The following SLIT2 variants were observed in gnomAD, a reference collection of about 807,000 sequenced individuals.
The protein encoded by SLIT2 is slit homolog 2 protein.
In SLIT2, 41 loss-of-function variants were observed where a neutral mutation model predicts 185.7. The observed-to-expected ratio is 0.22, with a 90% CI of 0.17 to 0.29. The LOEUF (loss-of-function observed/expected upper bound fraction) is 0.29. SLIT2 is among the 10% of genes least tolerant of loss of function. The pLI, the probability that SLIT2 is intolerant of heterozygous loss-of-function variation, is 1.00. For missense variants in SLIT2, 1,571 were observed against 1,909.0 expected, an observed-to-expected ratio of 0.82 and a Z score of 3.30; for synonymous variants, 693 against 680.2, an observed-to-expected ratio of 1.02 and a Z score of -0.29.
intron 4 of SLIT2, among the ~76,000 whole-genome samples, chr4:20,390,707 C>A (rs1443408723): frequency 1.3e-5 from 2 of 150,460 alleles, no homozygotes; most frequent in Non-Finnish European, 3.0e-5. Context: ...AAGAAAATAT[C>A]AACACATTAT....
Position 20,414,920 on chromosome 4 carries a change from A to G in SLIT2, c.396-52832A>G, listed in dbSNP as rs182672967. 5.2e-3 allele frequency among the ~76,000 whole-genome samples: 785 copies of G among 152,236 alleles called. 12 individuals carry two copies. Among genetic ancestry groups the G allele is most frequent in the African/African-American group, 0.018 (756 of 41,528 alleles). Reference sequence around the variant, plus strand: ...ATGTATAGATTTATATTTTTCATCAAATTTTGGAAGTTTTCAGCCAGTATT... The same window carrying G: ...ATGTATAGATTTATATTTTTCATCAGATTTTGGAAGTTTTCAGCCAGTATT... On this transcript the variant is annotated intron_variant, in intron 4 of 36. Coordinates refer to ENST00000504154, the MANE Select transcript of SLIT2 (RefSeq NM_004787.4).
rs944314902 is a variant in SLIT2, at chr4:20,619,082, A to G, written c.*73A>G. On this transcript the variant is annotated 3_prime_UTR_variant, in exon 37 of 37. Coordinates refer to ENST00000504154, the MANE Select transcript of SLIT2 (RefSeq NM_004787.4). ...ACCGTGTGGGACTAATGAATGCTTC[A>G]TAGTGGAAATATTTGAAATATATTG... The G allele has an allele frequency of 4.1e-5, 57 of 1,398,156 alleles. No individual in the cohort carries two copies. The highest frequency in any genetic ancestry group is 4.7e-5 in the Non-Finnish European group (48 of 1,016,558). 86.6% of individuals were successfully genotyped at this position (1,398,156 alleles called of 1,614,324 possible).
At chr4:20,556,184 A>G (rs1724233284) in intron 26 of SLIT2, among the ~76,000 whole-genome samples, 1 of 151,946 alleles carries the variant, frequency 6.6e-6, no homozygotes, top group Admixed American at 6.6e-5. Flanking sequence ...CTTTATTGGG[A>G]CAGTGTCCTG....
chr4:20,389,944 C>G (rs1488815360), intron 4 of SLIT2, among the ~76,000 whole-genome samples: 1 of 152,078 alleles, frequency 6.6e-6, no homozygotes, highest in Non-Finnish European at 1.5e-5. Flanking sequence ...TAAATACTCT[C>G]CTTGCTTACA....
At chr4:20,505,078 C>T (rs1284549571) in intron 9 of SLIT2, among the ~76,000 whole-genome samples, 1 of 151,848 alleles carries the variant, frequency 6.6e-6, no homozygotes, top group African/African-American at 2.4e-5. Context: ...ATATATTGTG[C>T]TATATATTCT....
At chr4:20,531,839 G>T in intron 16 of SLIT2, 145 bp from the exon 17 acceptor site, 4 of 484,942 alleles carry the variant, frequency 8.2e-6, no homozygotes, top group Middle Eastern at 5.7e-4. Context: ...ATATCAGTAT[G>T]TTCCACAAAT....
chr4:20,347,449 G>T (rs1055239197), intron 4 of SLIT2, among the ~76,000 whole-genome samples: 4 of 152,172 alleles, frequency 2.6e-5, no homozygotes, highest in Admixed American at 2.6e-4. Flanking sequence ...GGTGGTGAGG[G>T]AGAAGACTAC....
At chr4:20,274,988 T>C (rs1714018840) in intron 4 of SLIT2, among the ~76,000 whole-genome samples, 1 of 151,932 alleles carries the variant, frequency 6.6e-6, no homozygotes, top group Non-Finnish European at 1.5e-5. Context: ...TCATTGAGAG[T>C]GATCAAATAT....
At chr4:20,395,294 G>A (rs1280324082) in intron 4 of SLIT2, among the ~76,000 whole-genome samples, 3 of 152,028 alleles carry the variant, frequency 2.0e-5, no homozygotes, top group Non-Finnish European at 4.4e-5. Context: ...TACACACAGA[G>A]ATTTGGAGTA....
rs112250834 is a variant in SLIT2, at chr4:20,484,965, C to T, written c.540-1235C>T. 4.2e-3 allele frequency among the ~76,000 whole-genome samples: 638 copies of T among 152,242 alleles called. 5 individuals carry two copies. Among genetic ancestry groups the T allele is most frequent in the African/African-American group, 0.015 (608 of 41,576 alleles). ...GTGGCCTGCTTCGCTCATTTCTGTT[C>T]TCTGCTCAGGCCCTGCAGTGAACTT... On this transcript the variant is annotated intron_variant, in intron 6 of 36. Transcript: ENST00000504154. The surrounding 1 kb of genome is among the most constrained non-coding windows in gnomAD (Gnocchi z 4.3).
chr4:20,342,363 A>G (rs1490412258), intron 4 of SLIT2, among the ~76,000 whole-genome samples: 2 of 152,164 alleles, frequency 1.3e-5, no homozygotes, highest in Admixed American at 6.5e-5. Context: ...AAATGGAAAA[A>G]TGAATTATAG....
At chr4:20,442,396 C>T (rs950307048) in intron 4 of SLIT2, among the ~76,000 whole-genome samples, 10 of 151,828 alleles carry the variant, frequency 6.6e-5, no homozygotes, top group African/African-American at 9.7e-5. Context: ...TGGTGGCGGG[C>T]GCCTGTAGTC....
intron 4 of SLIT2, among the ~76,000 whole-genome samples, chr4:20,323,745 A>G (rs1719300755): frequency 6.6e-6 from 1 of 152,216 alleles, no homozygotes; most frequent in Non-Finnish European, 1.5e-5. Flanking sequence ...TGGCTGGCAT[A>G]GGAAAAAACA....
At chr4:20,325,421 T>G (rs940998230) in intron 4 of SLIT2, among the ~76,000 whole-genome samples, 7 of 23,626 alleles carry the variant, frequency 3.0e-4, no homozygotes, top group South Asian at 3.5e-3. Context: ...AGGGTGGGGG[T>G]GGGGGGTGGG....
chr4:20,400,727 G>A (rs1726279899), intron 4 of SLIT2, among the ~76,000 whole-genome samples: 2 of 151,726 alleles, frequency 1.3e-5, no homozygotes, highest in Admixed American at 6.6e-5. Flanking sequence ...AGGAATGCGG[G>A]CATTTAATGA....
intron 4 of SLIT2, among the ~76,000 whole-genome samples, chr4:20,335,680 G>A (rs939631129): frequency 1.3e-5 from 2 of 152,088 alleles, no homozygotes; most frequent in Non-Finnish European, 2.9e-5. Flanking sequence ...GTGGCTGAGT[G>A]TACTGGAGAG....
intron 7 of SLIT2, among the ~76,000 whole-genome samples, chr4:20,487,504 C>A (rs1717355260): frequency 6.6e-6 from 1 of 152,138 alleles, no homozygotes; most frequent in African/African-American, 2.4e-5. Flanking sequence ...TCTTACTAAT[C>A]AGGTTTTTCC....
chr4:20,546,738 A>G (rs1306633559), intron 22 of SLIT2, among the ~76,000 whole-genome samples: 2 of 152,088 alleles, frequency 1.3e-5, no homozygotes, highest in African/African-American at 4.8e-5. Context: ...TGTAAATACA[A>G]GAAGATATTT....
chr4:20,355,038 G>A (rs1722213346), intron 4 of SLIT2, among the ~76,000 whole-genome samples: 1 of 151,762 alleles, frequency 6.6e-6, no homozygotes, highest in African/African-American at 2.4e-5. Flanking sequence ...TGCTTAAAAT[G>A]ATTTGAAATA....
Sources: gnomAD v4.1 joint callset for allele counts (sites outside exome capture counted in the v4.1 genomes callset) on GRCh38, gnomAD v4.1.1 for gene constraint, Gnocchi (gnomAD v3.1) non-coding constraint, MANE v1.5 for transcripts, NCBI Gene and HGNC (gene_info 2026-07-23, HGNC 2026-07-21) for gene names.